Variants in TMED2 observed in about 807,000 individuals in gnomAD.
TMED2 encodes transmembrane emp24 domain-containing protein 2.
TMED2 carries 3 observed loss-of-function variants against 17.5 expected under a neutral mutation model. The observed-to-expected ratio is 0.17, with a 90% CI of 0.08 to 0.44. The LOEUF (loss-of-function observed/expected upper bound fraction) is 0.44. Ranked by LOEUF, TMED2 falls within the 20% of genes least tolerant of loss-of-function variation. The pLI is 0.99. For missense variants in TMED2, 149 were observed against 254.8 expected (o/e 0.58, Z 2.83); for synonymous variants, 95 against 91.0 (o/e 1.04, Z -0.25).
At chr12:123,593,790 G>T (rs576908870) in intron 3 of TMED2, among the ~76,000 whole-genome samples, 1 of 151,886 alleles carries the variant, frequency 6.6e-6, no homozygotes, top group Non-Finnish European at 1.5e-5. Flanking sequence ...GAGCCACCAC[G>T]CCAAGCCCTA....
chr12:123,588,091 T>TA (rs1344238607), intron 2 of TMED2, among the ~76,000 whole-genome samples: 2 of 152,124 alleles, frequency 1.3e-5, no homozygotes, highest in Non-Finnish European at 2.9e-5. Context: ...ATGTTGCAGT[T>TA]AGAGTGTTCA....
chr12:123,596,559 T>G, intron 3 of TMED2, 46 bp from the exon 4 acceptor site: 1 of 1,573,464 alleles, frequency 6.4e-7, no homozygotes, highest in Non-Finnish European at 8.6e-7. Context: ...TATGTCTTTT[T>G]GGGGGAGAAT....
In TMED2 at chr12:123,590,602, T is replaced by A. The variant is rs1953384370; in HGVS notation, c.481+153T>A. 10 of 514,742 alleles carry A rather than the reference T, an allele frequency of 1.9e-5. No homozygotes were observed. In the South Asian group the frequency reaches 2.2e-4, roughly 11 times the overall value. The allele number at this position is 514,742 out of a possible 1,614,324, so 31.9% of individuals were successfully genotyped here. A position where few individuals can be genotyped will look rare whatever the true frequency, so the allele number is the denominator to read the frequency against. On this transcript the variant is annotated intron_variant, in intron 3 of 3. Transcript: ENST00000262225. ...ACCTACACGAGATATTTTTTGAGCA[T>A]ACACATGTGTGGAGCTTTGTAGTTT...
rs562782279 is a variant in TMED2 at position 123,586,155 on chromosome 12, C to T, written c.181-592C>T. 3.3e-5 allele frequency: 5 copies of T among 152,102 alleles called. No individual in the cohort carries two copies. In the South Asian group the frequency reaches 1.0e-3, roughly 32 times the overall value. 9.4% of individuals were successfully genotyped at this position (152,102 alleles called of 1,614,324 possible). A position where few individuals can be genotyped will look rare whatever the true frequency, so the allele number is the denominator to read the frequency against. The stretch of plus-strand genomic sequence containing the variant: ...TTGGTGATATTAGGCCAGTTAGAGA[C>T]CACATTTAAGGTGAGCTTTCTGTTT... On this transcript the variant is annotated intron_variant, in intron 1 of 3. Transcript: ENST00000262225.
At chr12:123,589,118 A>G (rs761254718) in intron 2 of TMED2, among the ~76,000 whole-genome samples, 4 of 152,180 alleles carry the variant, frequency 2.6e-5, no homozygotes, top group Non-Finnish European at 5.9e-5. Context: ...CTAGAAGCAC[A>G]TGCTTACTCT....
At chr12:123,588,100 C>T (rs1953365160) in intron 2 of TMED2, among the ~76,000 whole-genome samples, 1 of 151,526 alleles carries the variant, frequency 6.6e-6, no homozygotes, top group African/African-American at 2.4e-5. Context: ...TTAGAGTGTT[C>T]ATTGCTCAGG....
At position 123,588,710 on chromosome 12, in the gene TMED2, G is replaced by C. The variant is rs556062095; in HGVS notation, c.374-1632G>C. Among the ~76,000 whole-genome samples, 33 of 152,286 alleles carry C rather than the reference G, an allele frequency of 2.2e-4. No homozygotes were observed. In the South Asian group the frequency reaches 6.6e-3, roughly 31 times the overall value. On this transcript the variant is annotated intron_variant, in intron 2 of 3. Transcript: ENST00000262225. Reference sequence around the variant, plus strand: ...ATCTGGAGGTATTTTTTATTCGGAAGACTGGGGGTAGGTGCTACAGGCATC... The same window carrying C: ...ATCTGGAGGTATTTTTTATTCGGAACACTGGGGGTAGGTGCTACAGGCATC...
chr12:123,592,630 T>C (rs1953400062), intron 3 of TMED2, among the ~76,000 whole-genome samples: 1 of 152,246 alleles, frequency 6.6e-6, no homozygotes, highest in African/African-American at 2.4e-5. Context: ...TGTTTTGTTT[T>C]TGTGAGTCTT....
At chr12:123,585,774 A>G (rs1886333554) in intron 1 of TMED2, 1 of 152,244 alleles carries the variant, frequency 6.6e-6, no homozygotes, top group Non-Finnish European at 1.5e-5. Context: ...ACAGCCTAAC[A>G]GCTGATTTGT....
chr12:123,584,894 G>A (rs1886309877), intron 1 of TMED2, 78 bp downstream of exon 1: 1 of 1,555,296 alleles, frequency 6.4e-7, no homozygotes. Context: ...CCGGCGCGGG[G>A]CCTGTGTGGG....
In TMED2 at chr12:123,597,517, C is replaced by T. The variant is rs1016045570; in HGVS notation, c.*788C>T. On this transcript the variant is annotated 3_prime_UTR_variant, in exon 4 of 4. Coordinates refer to ENST00000262225, the MANE Select transcript of TMED2 (RefSeq NM_006815.4). ...CCACTCTTGGCATGTAAGAAATAAG[C>T]ATTTACATAATTGGAAAAATCTGGA... The T allele has an allele frequency of 2.6e-5, 4 of 152,682 alleles. No individual in the cohort carries two copies. The highest frequency in any genetic ancestry group is 3.4e-3 in the Middle Eastern group (1 of 294). 9.5% of individuals were successfully genotyped at this position (152,682 alleles called of 1,614,324 possible). A position where few individuals can be genotyped will look rare whatever the true frequency, so the allele number is the denominator to read the frequency against.
chr12:123,590,877 G>C (rs533157912), intron 3 of TMED2, among the ~76,000 whole-genome samples: 78 of 151,922 alleles, frequency 5.1e-4, no homozygotes, highest in African/African-American at 1.9e-3. Context: ...CCAGCTACTC[G>C]GGAGGCTGAG....
At chr12:123,593,207 C>T (rs112788090) in intron 3 of TMED2, among the ~76,000 whole-genome samples, 1,715 of 152,150 alleles carry the variant, frequency 0.011, 15 homozygotes, top group South Asian at 0.032. Flanking sequence ...GGATTACAGG[C>T]CTGAGCCACT....
intron 1 of TMED2, chr12:123,585,141 G>A (rs1388238726): frequency 3.7e-6 from 1 of 270,124 alleles, no homozygotes; most frequent in Non-Finnish European, 7.3e-6. Flanking sequence ...GTCAGTCCGG[G>A]CCCCAAAGGC....
In TMED2 at chr12:123,586,946, TG is replaced by T; in HGVS notation, c.373+8del. On this transcript the variant is annotated splice_region_variant and intron_variant, in intron 2 of 3. Coordinates refer to ENST00000262225, the MANE Select transcript of TMED2 (RefSeq NM_006815.4). ...CAAGATATGGAAACAGAAGGTGAGA[TG>T]AACATTCAGAAGATTTACATCACAT... is the stretch of plus-strand genomic sequence containing the variant. 1 of 1,580,084 alleles carries T rather than the reference TG, an allele frequency of 6.3e-7. No individual in the cohort carries two copies. Among genetic ancestry groups the T allele is most frequent in the Non-Finnish European group, 8.6e-7 (1 of 1,161,136 alleles).
intron 3 of TMED2, among the ~76,000 whole-genome samples, chr12:123,592,192 T>G (rs1338246757): frequency 2.0e-5 from 3 of 152,208 alleles, no homozygotes; most frequent in Non-Finnish European, 4.4e-5. Flanking sequence ...GCCTCTTGCC[T>G]CACAATTTTG....
chr12:123,597,075 G>C lies in TMED2; in HGVS notation c.*346G>C, dbSNP rs983098485. The stretch of plus-strand genomic sequence containing the variant: ...AGTTTGTTCAGGAAATCAGCACAAA[G>C]CCTGATAGTACTTTACTAAAATGAC... On this transcript the variant is annotated 3_prime_UTR_variant, in exon 4 of 4. Coordinates refer to ENST00000262225, the MANE Select transcript of TMED2 (RefSeq NM_006815.4). 1 of 156,764 alleles carries C rather than the reference G, an allele frequency of 6.4e-6. No homozygotes were observed. The highest frequency in any genetic ancestry group is 6.5e-5 in the Admixed American group (1 of 15,472). 9.7% of individuals were successfully genotyped at this position (156,764 alleles called of 1,614,324 possible). A position where few individuals can be genotyped will look rare whatever the true frequency, so the allele number is the denominator to read the frequency against.
chr12:123,594,128 C>T (rs1033823343), intron 3 of TMED2, among the ~76,000 whole-genome samples: 2 of 137,608 alleles, frequency 1.5e-5, no homozygotes, highest in African/African-American at 5.3e-5. Context: ...AAATAAAACA[C>T]TACATAGAAT....
chr12:123,598,036 T>G lies in TMED2; in HGVS notation c.*1307T>G, dbSNP rs1953444561. 1 of 152,588 alleles carries G rather than the reference T, an allele frequency of 6.6e-6. No homozygotes were observed. Among genetic ancestry groups the G allele is most frequent in the Non-Finnish European group, 1.5e-5 (1 of 68,030 alleles). 9.5% of individuals were successfully genotyped at this position (152,588 alleles called of 1,614,324 possible). ...GGACAACTGTTGCATGCCAAGTTTT[T>G]TGTGTGTGTGAAACACTTCAAAACT... On this transcript the variant is annotated 3_prime_UTR_variant, in exon 4 of 4. Transcript: ENST00000262225.
Sources: allele counts gnomAD v4.1 joint callset (sites outside exome capture counted in the v4.1 genomes callset), GRCh38; gene constraint gnomAD v4.1.1; transcripts MANE v1.5; gene names NCBI Gene and HGNC (gene_info 2026-07-23, HGNC 2026-07-21).